Variants in CHSY1 observed in about 807,000 individuals in gnomAD.
CHSY1 encodes the protein N-acetylgalactosaminyl-proteoglycan 3-beta-glucuronosyltransferase 1.
Under a neutral mutation model 59.8 loss-of-function variants are expected in CHSY1, and 13 were observed. The observed-to-expected ratio is 0.22, with a 90% CI of 0.14 to 0.35. The LOEUF is 0.35. Ranked by LOEUF, CHSY1 falls within the 10% of genes least tolerant of loss-of-function variation. The probability of loss-of-function intolerance (pLI) is 1.00; values close to 1 mark genes in which losing one functional copy is unlikely to be tolerated. For synonymous variants in CHSY1, 459 were observed against 401.2 expected, an observed-to-expected ratio of 1.14 and a Z score of -1.72; for missense variants, 947 against 1,030.6, an observed-to-expected ratio of 0.92 and a Z score of 1.11.
chr15:101,185,685 T>C (rs2038351387), intron 2 of CHSY1, among the ~76,000 whole-genome samples: 1 of 148,800 alleles, frequency 6.7e-6, no homozygotes, highest in Non-Finnish European at 1.5e-5. Context: ...CCTGCAATGT[T>C]CTCCTCGAAA....
Position 101,188,241 on chromosome 15 carries a change from G to T in CHSY1, c.817-9261C>A, listed in dbSNP as rs754622512. ...TGTCCTGAAAAGTGGTTCAAAGAAA[G>T]TAAGCGTTGTCTAAATGTCAAGAGA... is the stretch of plus-strand genomic sequence containing the variant. On this transcript the variant is annotated intron_variant, in intron 2 of 2. Transcript: ENST00000254190. The T allele has an allele frequency of 5.6e-5, 54 of 962,718 alleles. No individual in the cohort carries two copies. In the Admixed American group the frequency reaches 6.8e-4, roughly 12 times the overall value. 59.6% of individuals were successfully genotyped at this position (962,718 alleles called of 1,614,324 possible). A position where few individuals can be genotyped will look rare whatever the true frequency, so the allele number is the denominator to read the frequency against.
chr15:101,243,641 G>C (rs56056911), intron 1 of CHSY1, among the ~76,000 whole-genome samples: 15,305 of 152,216 alleles, frequency 0.1, 1,020 homozygotes, highest in Middle Eastern at 0.18. Flanking sequence ...AGTCATCGTG[G>C]ATAAGGAGAC....
chr15:101,220,555 C>T (rs376321446), intron 2 of CHSY1, among the ~76,000 whole-genome samples: 3 of 152,188 alleles, frequency 2.0e-5, no homozygotes, highest in Non-Finnish European at 4.4e-5. Context: ...CTCACCTCTT[C>T]GCAGATGTAT....
intron 2 of CHSY1, among the ~76,000 whole-genome samples, chr15:101,194,647 C>G (rs1371690530): frequency 6.6e-6 from 1 of 152,192 alleles, no homozygotes; most frequent in Non-Finnish European, 1.5e-5. Context: ...TTCAATCACT[C>G]ACAACCAGAG....
chr15:101,218,442 C>G (rs2038756720), intron 2 of CHSY1, among the ~76,000 whole-genome samples: 3 of 151,982 alleles, frequency 2.0e-5, no homozygotes. Flanking sequence ...ACTAAAAATA[C>G]AAAAAATTAG....
intron 1 of CHSY1, among the ~76,000 whole-genome samples, chr15:101,238,210 G>C (rs538601506): frequency 6.6e-6 from 1 of 151,448 alleles, no homozygotes; most frequent in South Asian, 2.1e-4. Context: ...TAAATGTAAA[G>C]TTCAGCAGCA....
At chr15:101,181,965 GAGAAA>G (rs1320907572) in intron 2 of CHSY1, among the ~76,000 whole-genome samples, 2 of 152,166 alleles carry the variant, frequency 1.3e-5, no homozygotes, top group African/African-American at 4.8e-5. Context: ...AAGGAAGCTA[GAGAAA>G]AGAAAATGTT....
intron 1 of CHSY1, among the ~76,000 whole-genome samples, chr15:101,249,490 T>G (rs937918107): frequency 3.3e-5 from 5 of 150,800 alleles, no homozygotes; most frequent in Non-Finnish European, 7.4e-5. Context: ...TGTATCTCTA[T>G]CTATCGATCG....
chr15:101,204,295 G>C (rs911050275), intron 2 of CHSY1, among the ~76,000 whole-genome samples: 2 of 151,934 alleles, frequency 1.3e-5, no homozygotes, highest in South Asian at 2.1e-4. Context: ...TTAGCTGGGC[G>C]TGGTGGCGTG....
chr15:101,226,314 G>T (rs1453804708), intron 2 of CHSY1, among the ~76,000 whole-genome samples: 1 of 152,154 alleles, frequency 6.6e-6, no homozygotes, highest in Non-Finnish European at 1.5e-5. Flanking sequence ...CCAAACATGA[G>T]CTATGGTAAT....
intron 1 of CHSY1, among the ~76,000 whole-genome samples, chr15:101,243,620 G>A (rs1479847544): frequency 3.3e-5 from 5 of 152,178 alleles, no homozygotes; most frequent in Non-Finnish European, 5.9e-5. Flanking sequence ...CACTGCTAAG[G>A]CTGAACAAAC....
chr15:101,239,280 C>T lies in CHSY1; in HGVS notation c.321-3703G>A, dbSNP rs140452950. On this transcript the variant is annotated intron_variant, in intron 1 of 2. Coordinates refer to ENST00000254190, the MANE Select transcript of CHSY1 (RefSeq NM_014918.5). ...GCAAAAGGTCAGAAATCATTTCTAT[C>T]TTGTACTTTGAGAAATTTTCAACCT... is the stretch of plus-strand genomic sequence containing the variant. Among the ~76,000 whole-genome samples, 26 of 152,306 alleles carry T rather than the reference C, an allele frequency of 1.7e-4. No individual in the cohort carries two copies. The East Asian group carries it at 3.9e-3, about 23-fold the overall frequency.
intron 1 of CHSY1, among the ~76,000 whole-genome samples, chr15:101,250,498 A>T (rs1006729010): frequency 6.6e-6 from 1 of 152,172 alleles, no homozygotes; most frequent in Admixed American, 6.5e-5. Context: ...ATACACCACC[A>T]AGCTGAACTA....
At position 101,207,161 on chromosome 15, in the gene CHSY1, T is replaced by C. The variant is rs370262303; in HGVS notation, c.816+27921A>G. On this transcript the variant is annotated intron_variant, in intron 2 of 2. Transcript: ENST00000254190. ...GAAAGGGTCTACTCTTGACAAATGT[T>C]TTTTATATTAACACAGCATTTGCAG... 2.0e-5 allele frequency among the ~76,000 whole-genome samples: 3 copies of C among 152,244 alleles called. No individual in the cohort carries two copies. The East Asian group carries it at 5.8e-4, about 29-fold the overall frequency.
chr15:101,245,993 A>G (rs368791386), intron 1 of CHSY1, among the ~76,000 whole-genome samples: 1 of 152,256 alleles, frequency 6.6e-6, no homozygotes, highest in East Asian at 1.9e-4. Flanking sequence ...ATTCAGATTT[A>G]TAAGATAGGA....
At chr15:101,250,432 C>A (rs1399105454) in intron 1 of CHSY1, among the ~76,000 whole-genome samples, 1 of 152,196 alleles carries the variant, frequency 6.6e-6, no homozygotes, top group African/African-American at 2.4e-5. Flanking sequence ...GAACACAATT[C>A]CAGCTGCTTT....
At chr15:101,195,544 G>A (rs545761040) in intron 2 of CHSY1, among the ~76,000 whole-genome samples, 11 of 152,344 alleles carry the variant, frequency 7.2e-5, no homozygotes, top group Admixed American at 5.9e-4. Flanking sequence ...AAAGCTGGCC[G>A]GGTGTGGTGG....
chr15:101,183,616 AAAG>A (rs1165086802), intron 2 of CHSY1, among the ~76,000 whole-genome samples: 2 of 152,360 alleles, frequency 1.3e-5, no homozygotes, highest in African/African-American at 2.4e-5. Flanking sequence ...AGAAAGCTGT[AAAG>A]AAGATGACAG....
At chr15:101,243,402 G>A (rs1255712470) in intron 1 of CHSY1, among the ~76,000 whole-genome samples, 3 of 152,140 alleles carry the variant, frequency 2.0e-5, no homozygotes, top group Non-Finnish European at 4.4e-5. Context: ...AATCAGTATC[G>A]TTTAATGCAA....
Sources: gnomAD v4.1 joint callset for allele counts (sites outside exome capture counted in the v4.1 genomes callset) on GRCh38, gnomAD v4.1.1 for gene constraint, MANE v1.5 for transcripts, NCBI Gene and HGNC (gene_info 2026-07-23, HGNC 2026-07-21) for gene names.